ARHGEF1: variants seen among roughly 807,000 people sequenced by gnomAD.
ARHGEF1 encodes the protein Rho guanine nucleotide exchange factor 1, also known as 115 kDa guanine nucleotide exchange factor.
Under a neutral mutation model 119.7 loss-of-function variants are expected in ARHGEF1, and 40 were observed. That is an observed-to-expected ratio of 0.33 (90% confidence interval 0.26 to 0.44). The LOEUF (loss-of-function observed/expected upper bound fraction) is 0.44, where lower values mean the gene tolerates loss of function less well. ARHGEF1 is among the 20% of genes least tolerant of loss of function. The probability of loss-of-function intolerance (pLI) is 1.00; values close to 1 mark genes in which losing one functional copy is unlikely to be tolerated. For missense variants in ARHGEF1, 976 were observed against 1,268.3 expected, an observed-to-expected ratio of 0.77 and a Z score of 3.50; for synonymous variants, 494 against 521.0, an observed-to-expected ratio of 0.95 and a Z score of 0.71.
rs782563305 is a variant in ARHGEF1, at chr19:41,916,849, G to A, written c.1866-6243G>A. Reference sequence around the variant, plus strand: ...CGGACCCAAACATACGACCGACAGCGGCCCCTGCAGAGGTACACACAGACA... The same window carrying A: ...CGGACCCAAACATACGACCGACAGCAGCCCCTGCAGAGGTACACACAGACA... On this transcript the variant is annotated intron_variant, in intron 18 of 20. Coordinates refer to the ARHGEF1 transcript ENST00000599589. The surrounding 1 kb of genome is among the most constrained non-coding windows in gnomAD (Gnocchi z 5.4). Among the ~76,000 whole-genome samples, 6 of 151,864 alleles carry A rather than the reference G, an allele frequency of 4.0e-5. No individual in the cohort carries two copies. Among genetic ancestry groups the A allele is most frequent in the South Asian group, 2.1e-4 (1 of 4,794 alleles).
rs141980059 is a variant in ARHGEF1, at chr19:41,894,519, C to T, written c.813C>T (p.Ala271=). The change falls in exon 10 of 29, where the codon GCC becomes GCT. Residue 271 remains alanine (A), a synonymous_variant. Coordinates refer to ENST00000354532, the MANE Select transcript of ARHGEF1 (RefSeq NM_004706.4). The part of the protein sequence containing the change: ...TKKGLSSILD[A]ARWNRGEPQV... ...AGGGGCTGAGCAGCATCCTGGATGC[C>T]GCCCGCTGGAACCGGGGAGAGCCCC... 2,412 of 1,609,004 alleles carry T rather than the reference C, an allele frequency of 1.5e-3. 2 individuals carry two copies. Among genetic ancestry groups the T allele is most frequent in the Non-Finnish European group, 1.9e-3 (2,188 of 1,176,968 alleles).
chr19:41,910,020 G>A (rs1397845614), downstream of ARHGEF1: 30 of 1,613,572 alleles, frequency 1.9e-5, no homozygotes, highest in Admixed American at 4.8e-4. The surrounding 1 kb of genome is among the most constrained non-coding windows in gnomAD (Gnocchi z 4.4). Flanking sequence ...AGCAGCTCCA[G>A]GATAAAGTGC....
downstream of ARHGEF1, among the ~76,000 whole-genome samples, chr19:41,908,835 TC>T (rs2074734893): frequency 8.4e-6 from 1 of 118,886 alleles, no homozygotes; most frequent in African/African-American, 3.3e-5. The surrounding 1 kb of genome is among the most constrained non-coding windows in gnomAD (Gnocchi z 6.7). Flanking sequence ...CTCCTCCCAC[TC>T]CCCCACTTGT....
chr19:41,896,610 T>C (rs1555847699), intron 13 of ARHGEF1, 128 bp downstream of exon 13: 4 of 772,312 alleles, frequency 5.2e-6, no homozygotes, highest in Non-Finnish European at 9.1e-6. Flanking sequence ...TCTGCTGCTC[T>C]CTGGGTCTGG....
At chr19:41,886,743 A>C (rs1274833852) in intron 1 of ARHGEF1, among the ~76,000 whole-genome samples, 2 of 152,252 alleles carry the variant, frequency 1.3e-5, no homozygotes, top group African/African-American at 4.8e-5. Context: ...ATCATTGTTT[A>C]ATCATCAAAA....
chr19:41,912,689 CAA>C (rs1429292644), intron 18 of ARHGEF1, among the ~76,000 whole-genome samples: 2 of 152,174 alleles, frequency 1.3e-5, no homozygotes, highest in Non-Finnish European at 2.9e-5. Context: ...AGTTTTTAGC[CAA>C]GTTTCTCAGA....
At position 41,912,561 on chromosome 19, in the gene ARHGEF1, G is replaced by A. The variant is rs999615188; in HGVS notation, c.1865+5758G>A. 6.6e-5 allele frequency among the ~76,000 whole-genome samples: 10 copies of A among 152,320 alleles called. No homozygotes were observed. In the South Asian group the frequency reaches 8.3e-4, roughly 13 times the overall value. On this transcript the variant is annotated intron_variant, in intron 18 of 20. Transcript: ENST00000599589. The stretch of plus-strand genomic sequence containing the variant: ...TGCGTGGGAGCAGGCTGAGACGTGC[G>A]TGGCAGGGATGCCCGGGCCTCGGGC...
Position 41,888,298 on chromosome 19 carries a change from G to A in ARHGEF1, c.111+20G>A. ...GAGACAGTGAGTGGGAGATAGGGTG[G>A]AAAAGCTCTGTCCCAGGCTCAGTGT... is the stretch of plus-strand genomic sequence containing the variant. On this transcript the variant is annotated intron_variant, in intron 3 of 28. Coordinates refer to ENST00000354532, the MANE Select transcript of ARHGEF1 (RefSeq NM_004706.4). The surrounding 1 kb of genome is among the most constrained non-coding windows in gnomAD (Gnocchi z 5.1). 7 of 1,611,880 alleles carry A rather than the reference G, an allele frequency of 4.3e-6. No individual in the cohort carries two copies. The highest frequency in any genetic ancestry group is 5.9e-6 in the Non-Finnish European group (7 of 1,179,128).
chr19:41,896,346 TCCAGCC>T, intron 12 of ARHGEF1, 25 bp from the exon 13 acceptor site: 2 of 1,317,880 alleles, frequency 1.5e-6, no homozygotes, highest in Non-Finnish European at 2.0e-6. Flanking sequence ...GCAGAGGCCT[TCCAGCC>T]AGCCCTGCTC....
chr19:41,920,903 CT>C (rs1457695945), upstream of ARHGEF1, among the ~76,000 whole-genome samples: 3 of 152,206 alleles, frequency 2.0e-5, no homozygotes, highest in East Asian at 1.9e-4. Flanking sequence ...CCACACCCCC[CT>C]CCCTCTGTCT....
intron 11 of ARHGEF1, among the ~76,000 whole-genome samples, 166 bp from the exon 12 acceptor site, chr19:41,895,183 C>G (rs529414205): frequency 6.7e-6 from 1 of 150,152 alleles, no homozygotes; most frequent in Non-Finnish European, 1.5e-5. Flanking sequence ...GGCCTGGACT[C>G]CTGTGTCTGA....
At chr19:41,897,463 G>A (rs1555848095) in intron 13 of ARHGEF1, 2 of 504,426 alleles carry the variant, frequency 4.0e-6, no homozygotes, top group Non-Finnish European at 5.9e-6. Context: ...CCCAGTTGAA[G>A]AGCTAAGTAT....
In ARHGEF1 at chr19:41,888,422, TCGC is replaced by T; in HGVS notation, c.111+147_111+149del. ...TCTCCCTGGTACCTCCTTCCTCACC[TCGC>T]CGACCCCACACAGCAGCATAGACGC... On this transcript the variant is annotated intron_variant, in intron 3 of 28. Coordinates refer to ENST00000354532, the MANE Select transcript of ARHGEF1 (RefSeq NM_004706.4). The surrounding 1 kb of genome is among the most constrained non-coding windows in gnomAD (Gnocchi z 5.1). 1 of 792,472 alleles carries T rather than the reference TCGC, an allele frequency of 1.3e-6. No individual in the cohort carries two copies. Among genetic ancestry groups the T allele is most frequent in the Non-Finnish European group, 2.0e-6 (1 of 495,954 alleles). 49.1% of individuals were successfully genotyped at this position (792,472 alleles called of 1,614,324 possible). A position where few individuals can be genotyped will look rare whatever the true frequency, so the allele number is the denominator to read the frequency against.
intron 9 of ARHGEF1, 67 bp from the exon 10 acceptor site, chr19:41,894,384 C>T (rs1285418938): frequency 4.0e-6 from 6 of 1,516,352 alleles, no homozygotes; most frequent in East Asian, 4.6e-5. Flanking sequence ...GGATACCTAG[C>T]GTCAAATTCT....
chr19:41,902,047 C>G lies in ARHGEF1; in HGVS notation c.1414+14C>G. The G allele has an allele frequency of 6.2e-7, 1 of 1,608,058 alleles. No individual in the cohort carries two copies. ...TCGAGGTGCATTGTGAGTGCAGAGC[C>G]AGGGTCCCTCTGTGTACCCCACTGC... On this transcript the variant is annotated intron_variant, in intron 15 of 28. Coordinates refer to ENST00000354532, the MANE Select transcript of ARHGEF1 (RefSeq NM_004706.4). The surrounding 1 kb of genome is among the most constrained non-coding windows in gnomAD (Gnocchi z 6.5).
At chr19:41,901,460 G>C (rs1171709760) in intron 14 of ARHGEF1, among the ~76,000 whole-genome samples, 1 of 151,986 alleles carries the variant, frequency 6.6e-6, no homozygotes, top group Non-Finnish European at 1.5e-5. Context: ...ATTTTGTTTT[G>C]AGACAAGGTC....
At chr19:41,914,135 G>T (rs1339260124) in intron 18 of ARHGEF1, among the ~76,000 whole-genome samples, 1 of 113,036 alleles carries the variant, frequency 8.8e-6, no homozygotes, top group African/African-American at 3.5e-5. Flanking sequence ...AGACTCGCCC[G>T]GTCTCCCCAC....
At chr19:41,919,972 C>T (rs564412475), upstream of ARHGEF1, among the ~76,000 whole-genome samples, 68 of 147,398 alleles carry the variant, frequency 4.6e-4, no homozygotes, top group African/African-American at 1.6e-3. Context: ...ACAGACATGA[C>T]ACGCCCACAG....
Position 41,903,992 on chromosome 19 carries a change from C to A in ARHGEF1, c.1918-43C>A. The A allele has an allele frequency of 6.4e-7, 1 of 1,553,618 alleles. No homozygotes were observed. The highest frequency in any genetic ancestry group is 8.9e-7 in the Non-Finnish European group (1 of 1,125,852). On this transcript the variant is annotated intron_variant, in intron 20 of 28. Transcript: ENST00000354532. The surrounding 1 kb of genome is among the most constrained non-coding windows in gnomAD (Gnocchi z 4.2). ...TTCCCCTCCCCACCAACCCCAATCA[C>A]CCCCTGCCAACCTGCACAAACCATC...
Sources: gnomAD v4.1 joint callset for allele counts (sites outside exome capture counted in the v4.1 genomes callset) on GRCh38, gnomAD v4.1.1 for gene constraint, Gnocchi (gnomAD v3.1) non-coding constraint, MANE v1.5 for transcripts, NCBI Gene and HGNC (gene_info 2026-07-23, HGNC 2026-07-21) for gene names.